Variants in UGGT1 observed in about 807,000 individuals in gnomAD.
The protein encoded by UGGT1 is UDP-glucose:glycoprotein glucosyltransferase 1.
Under a neutral mutation model 203.9 loss-of-function variants are expected in UGGT1, and 107 were observed. The observed-to-expected ratio is 0.52, with a 90% CI of 0.45 to 0.62. UGGT1 has a LOEUF of 0.62. Among genes scored for constraint, UGGT1 ranks in the 20% least tolerant of loss-of-function variants. The pLI is 0.00. For synonymous variants in UGGT1, 628 were observed against 653.5 expected, an observed-to-expected ratio of 0.96 and a Z score of 0.59; for missense variants, 1,673 against 1,867.2, an observed-to-expected ratio of 0.90 and a Z score of 1.92.
chr2:128,091,723 A>G, intron 1 of UGGT1: 1 of 599,234 alleles, frequency 1.7e-6, no homozygotes, highest in South Asian at 3.7e-5. Flanking sequence ...ATTTAGACCA[A>G]GCTTGATCCT....
At chr2:128,174,975 G>A (rs1190456343) in intron 31 of UGGT1, 117 bp downstream of exon 31, 1 of 797,938 alleles carries the variant, frequency 1.3e-6, no homozygotes. Context: ...GCAGTTGTAT[G>A]TGATGAAACA....
At chr2:128,120,189 C>G (rs918900454) in intron 8 of UGGT1, among the ~76,000 whole-genome samples, 167 bp from the exon 9 acceptor site, 6 of 152,026 alleles carry the variant, frequency 3.9e-5, no homozygotes, top group African/African-American at 1.4e-4. Context: ...TTCTAATTTT[C>G]TATTTTTTTT....
Position 128,187,482 on chromosome 2 carries a change from GA to G in UGGT1, c.4512del (p.Ala1505GlnfsTer63), listed in dbSNP as rs1188124735. The G allele has an allele frequency of 1.2e-6, 2 of 1,614,064 alleles. No individual in the cohort carries two copies. The highest frequency in any genetic ancestry group is 3.3e-5 in the Admixed American group (2 of 60,012). On this transcript the variant is annotated frameshift_variant, in exon 40 of 41. Transcript: ENST00000259253. LOFTEE classifies it high-confidence loss of function. ...TCCGATGACCAAAGAGCCGAAACTGGAAGCAGCTGTGCGGATTGTCCCGGAG... is the reference window on the plus strand; with the variant it reads ...TCCGATGACCAAAGAGCCGAAACTGGAGCAGCTGTGCGGATTGTCCCGGAG... The part of the protein sequence containing the change: ...NNPMTKEPKL[E>X]AAVRIVPEWQ...
intron 2 of UGGT1, among the ~76,000 whole-genome samples, chr2:128,102,291 C>T (rs1383247835): frequency 1.3e-5 from 2 of 152,044 alleles, no homozygotes; most frequent in Non-Finnish European, 2.9e-5. Context: ...TACAGGCGCC[C>T]GCCACCACCC....
chr2:128,103,088 A>G (rs1482535509), intron 2 of UGGT1: 2 of 471,166 alleles, frequency 4.2e-6, no homozygotes, highest in Non-Finnish European at 8.8e-6. Flanking sequence ...GCTGTGGAGT[A>G]GAGTGAGATT....
At chr2:128,175,186 A>G (rs10196158) in intron 31 of UGGT1, among the ~76,000 whole-genome samples, 64,473 of 152,022 alleles carry the variant, frequency 0.42, 13,901 homozygotes, top group South Asian at 0.57. Flanking sequence ...GGAGAAAAGA[A>G]AGAAAGAACA....
intron 1 of UGGT1, 70 bp downstream of exon 1, chr2:128,091,485 C>T (rs780839797): frequency 3.3e-6 from 5 of 1,526,120 alleles, no homozygotes; most frequent in African/African-American, 2.8e-5. Flanking sequence ...GACCCTGTGC[C>T]CCTGTCACAT....
intron 25 of UGGT1, 76 bp from the exon 26 acceptor site, chr2:128,164,654 C>A: frequency 8.3e-7 from 1 of 1,199,010 alleles, no homozygotes; most frequent in Non-Finnish European, 1.2e-6. Context: ...AGTATTTGGG[C>A]TGATGATATG....
rs55814829 is a variant in UGGT1 at position 128,092,605 on chromosome 2, CTTT to C, written c.58+1205_58+1207del. On this transcript the variant is annotated intron_variant, in intron 1 of 40. Coordinates refer to ENST00000259253, the MANE Select transcript of UGGT1 (RefSeq NM_020120.4). Reference sequence around the variant, plus strand: ...ATGTGATAATTTTCTTTCTTTCTTTCTTTTTTTTTTTTTTTTTGAGATGGAGTT... The same window carrying C: ...ATGTGATAATTTTCTTTCTTTCTTTCTTTTTTTTTTTTTTGAGATGGAGTT... Among the ~76,000 whole-genome samples the C allele has an allele frequency of 4.9e-3, 615 of 126,698 alleles. 2 individuals are homozygous for C. The highest frequency in any genetic ancestry group is 0.017 in the African/African-American group (581 of 34,242). 83.1% of individuals were successfully genotyped at this position (126,698 alleles called of 152,430 possible). A position where few individuals can be genotyped will look rare whatever the true frequency, so the allele number is the denominator to read the frequency against.
rs1451030587 is a variant in UGGT1 at position 128,173,898 on chromosome 2, G to A, written c.3412G>A (p.Ala1138Thr). 14 of 1,614,130 alleles carry A rather than the reference G, an allele frequency of 8.7e-6. No homozygotes were observed. The highest frequency in any genetic ancestry group is 1.3e-5 in the African/African-American group (1 of 75,020). ...RGLQFTLGTS[A>T]NPVIVDTIVM... ...ACTACAGTTTACCTTAGGAACTTCA[G>A]CCAACCCGGTCATTGTGGACACCAT... The change falls in exon 30 of 41, where the codon GCC becomes ACC. Residue 1138 changes from alanine to threonine, a missense_variant. Ala to Thr is a moderately conservative substitution (Grantham distance 58). Around this residue, in one of 4 missense-constraint regions of UGGT1, gnomAD observed 513 missense variants for 684.1 expected, o/e 0.75. Coordinates refer to ENST00000259253, the MANE Select transcript of UGGT1 (RefSeq NM_020120.4).
In UGGT1 at chr2:128,178,739, G is replaced by A. The variant is rs913837950; in HGVS notation, c.3815+170G>A. Among the ~76,000 whole-genome samples the A allele has an allele frequency of 7.2e-5, 11 of 152,294 alleles. No homozygotes were observed. In the East Asian group the frequency reaches 1.7e-3, roughly 24 times the overall value. The stretch of plus-strand genomic sequence containing the variant: ...TCATTGGATTTGTTTTGATCCCGCC[G>A]TCTCTGTGAAGTTGAACTATGTAGT... On this transcript the variant is annotated intron_variant, in intron 34 of 40. Transcript: ENST00000259253.
chr2:128,143,226 G>A lies in UGGT1; in HGVS notation c.1851+1G>A. ...TTCTGCTTATGATCGGAATCGGAAG[G>A]TAAAAAATTTCTTTGTGTTTCTTAT... On this transcript the variant is annotated splice_donor_variant, in intron 17 of 40. Transcript: ENST00000259253. LOFTEE classifies it high-confidence loss of function. The A allele has an allele frequency of 6.2e-7, 1 of 1,612,722 alleles. No individual in the cohort carries two copies. Among genetic ancestry groups the A allele is most frequent in the Non-Finnish European group, 8.5e-7 (1 of 1,179,550 alleles).
chr2:128,178,281 C>A (rs1389449825), intron 33 of UGGT1, among the ~76,000 whole-genome samples, 187 bp from the exon 34 acceptor site: 1 of 152,160 alleles, frequency 6.6e-6, no homozygotes, highest in Admixed American at 6.5e-5. Context: ...AGTGAACATT[C>A]TTTTTGTAGG....
At position 128,178,083 on chromosome 2, in the gene UGGT1, C is replaced by T. The variant is rs73955982; in HGVS notation, c.3713+163C>T. Among the ~76,000 whole-genome samples, 626 of 152,272 alleles carry T rather than the reference C, an allele frequency of 4.1e-3. 6 individuals carry two copies. The highest frequency in any genetic ancestry group is 0.013 in the African/African-American group (549 of 41,546). ...TTGGCATAGATGAGTATTTTCCACT[C>T]GATTGATCCAAAAGAGGTTCATGTC... On this transcript the variant is annotated intron_variant, in intron 33 of 40. Coordinates refer to ENST00000259253, the MANE Select transcript of UGGT1 (RefSeq NM_020120.4).
intron 31 of UGGT1, 64 bp from the exon 32 acceptor site, chr2:128,176,750 T>C: frequency 6.8e-7 from 1 of 1,463,040 alleles, no homozygotes; most frequent in Non-Finnish European, 9.5e-7. Context: ...TCAGATGCTC[T>C]GAGAGCATTT....
At position 128,191,457 on chromosome 2, in the gene UGGT1, T is replaced by G. The variant is rs1692262635; in HGVS notation, c.*1715T>G. On this transcript the variant is annotated 3_prime_UTR_variant, in exon 41 of 41. Transcript: ENST00000259253. ...GAAAGCTCAAAAGAGGATAAGAGACTGAAAAGGCACCTCAGAATGGCTGCT... is the reference window on the plus strand; with the variant it reads ...GAAAGCTCAAAAGAGGATAAGAGACGGAAAAGGCACCTCAGAATGGCTGCT... 6.6e-6 allele frequency: 1 copy of G among 152,210 alleles called. No individual in the cohort carries two copies. Among genetic ancestry groups the G allele is most frequent in the Admixed American group, 6.5e-5 (1 of 15,276 alleles). 9.4% of individuals were successfully genotyped at this position (152,210 alleles called of 1,614,324 possible). A position where few individuals can be genotyped will look rare whatever the true frequency, so the allele number is the denominator to read the frequency against.
At chr2:128,128,846 TGTG>T (rs1196862146) in intron 12 of UGGT1, among the ~76,000 whole-genome samples, 180 bp from the exon 13 acceptor site, 6 of 152,230 alleles carry the variant, frequency 3.9e-5, no homozygotes, top group Non-Finnish European at 7.3e-5. Context: ...TTTAAAATCA[TGTG>T]GTGTAAAAGT....
intron 1 of UGGT1, among the ~76,000 whole-genome samples, chr2:128,096,352 G>C (rs570445145): frequency 7.9e-5 from 12 of 152,234 alleles, no homozygotes; most frequent in Non-Finnish European, 1.3e-4. Context: ...GGGTGGCTTA[G>C]AACAATAGAT....
intron 26 of UGGT1, among the ~76,000 whole-genome samples, chr2:128,169,577 T>C (rs1472535234): frequency 6.6e-6 from 1 of 152,220 alleles, no homozygotes; most frequent in Non-Finnish European, 1.5e-5. Flanking sequence ...TAAAGAAATT[T>C]CCAAATGTGG....
Sources: gnomAD v4.1 joint callset for allele counts (sites outside exome capture counted in the v4.1 genomes callset) on GRCh38, gnomAD v4.1.1 for gene constraint, gnomAD v4.1.1 regional missense constraint, MANE v1.5 for transcripts, NCBI Gene and HGNC (gene_info 2026-07-23, HGNC 2026-07-21) for gene names.